Variants in ZCCHC7 observed in about 807,000 individuals in gnomAD.
The protein encoded by ZCCHC7 is zinc finger CCHC domain-containing protein 7.
ZCCHC7 carries 35 observed loss-of-function variants against 52.0 expected under a neutral mutation model. The observed-to-expected ratio is 0.67, with a 90% confidence interval of 0.51 to 0.89. ZCCHC7 has a LOEUF of 0.89. ZCCHC7 is among the 40% of genes least tolerant of loss of function. ZCCHC7 has a pLI of 0.00. For missense variants in ZCCHC7, 574 were observed against 649.1 expected (o/e 0.88, Z 1.26); for synonymous variants, 217 against 221.5 (o/e 0.98, Z 0.18).
chr9:37,164,314 G>C (rs190447302), intron 2 of ZCCHC7, among the ~76,000 whole-genome samples: 2 of 152,116 alleles, frequency 1.3e-5, no homozygotes, highest in Non-Finnish European at 2.9e-5. Flanking sequence ...GCATGATACT[G>C]TGTGCCTGTA....
intron 2 of ZCCHC7, among the ~76,000 whole-genome samples, chr9:37,163,385 CAAAAAAAAAAA>C (rs1022187626): frequency 1.3e-5 from 1 of 77,172 alleles, no homozygotes; most frequent in African/African-American, 4.4e-5. Flanking sequence ...GACTCCATCT[CAAAAAAAAAAA>C]AAAAAAAAGA....
At chr9:37,257,186 A>G (rs1438324441) in intron 2 of ZCCHC7, among the ~76,000 whole-genome samples, 1 of 152,106 alleles carries the variant, frequency 6.6e-6, no homozygotes, top group Non-Finnish European at 1.5e-5. Context: ...GGTAGAGGCT[A>G]GTTGGTGAAG....
At chr9:37,337,237 G>C (rs2118399187) in intron 6 of ZCCHC7, among the ~76,000 whole-genome samples, 1 of 152,250 alleles carries the variant, frequency 6.6e-6, no homozygotes, top group South Asian at 2.1e-4. Context: ...AACTGAAGGA[G>C]CTAAATTAAA....
intron 2 of ZCCHC7, among the ~76,000 whole-genome samples, chr9:37,164,907 A>G (rs1264833903): frequency 6.6e-6 from 1 of 152,160 alleles, no homozygotes; most frequent in African/African-American, 2.4e-5. Flanking sequence ...TTTCTTCCAG[A>G]AAGTGTGGTG....
At chr9:37,247,085 C>G (rs1039312205) in intron 2 of ZCCHC7, among the ~76,000 whole-genome samples, 7 of 152,104 alleles carry the variant, frequency 4.6e-5, no homozygotes, top group South Asian at 2.1e-4. Flanking sequence ...TCCCCAACCC[C>G]CTCTCCACCA....
intron 4 of ZCCHC7, among the ~76,000 whole-genome samples, chr9:37,304,768 TA>T (rs1829223926): frequency 1.3e-5 from 2 of 152,168 alleles, no homozygotes; most frequent in South Asian, 4.1e-4. Flanking sequence ...GGAGAAATAA[TA>T]ATAAATTTGG....
chr9:37,236,462 G>A (rs1825656403), intron 2 of ZCCHC7, among the ~76,000 whole-genome samples: 1 of 151,648 alleles, frequency 6.6e-6, no homozygotes, highest in Non-Finnish European at 1.5e-5. Flanking sequence ...CGCTGTCTCG[G>A]CTCACTGCAA....
intron 2 of ZCCHC7, among the ~76,000 whole-genome samples, chr9:37,174,161 A>C (rs1821890256): frequency 6.6e-6 from 1 of 152,022 alleles, no homozygotes; most frequent in South Asian, 2.1e-4. Context: ...AAAATACAAA[A>C]AATTAGCCAG....
chr9:37,342,636 C>G (rs1362305946), intron 6 of ZCCHC7, among the ~76,000 whole-genome samples: 2 of 152,130 alleles, frequency 1.3e-5, no homozygotes, highest in African/African-American at 4.8e-5. Context: ...AGCGTGTTGT[C>G]TGGGAAGCTA....
At chr9:37,315,653 A>G (rs1234736850) in intron 5 of ZCCHC7, among the ~76,000 whole-genome samples, 1 of 151,758 alleles carries the variant, frequency 6.6e-6, no homozygotes, top group Non-Finnish European at 1.5e-5. Flanking sequence ...CTCAATTTTT[A>G]AATTATTTCA....
chr9:37,270,596 C>T lies in ZCCHC7; in HGVS notation c.611-31592C>T, dbSNP rs985772790. Among the ~76,000 whole-genome samples the T allele has an allele frequency of 1.9e-4, 29 of 151,374 alleles. 1 individual carries two copies. Among genetic ancestry groups the T allele is most frequent in the South Asian group, 6.2e-4 (3 of 4,802 alleles). On this transcript the variant is annotated intron_variant, in intron 2 of 8. Transcript: ENST00000336755. ...ACTTGGGAGGCTGAGGCAGGAGAAT[C>T]GCTTGAACCTGGGAGGTGGAGGTTG...
At chr9:37,153,412 C>G (rs1820642049) in intron 2 of ZCCHC7, among the ~76,000 whole-genome samples, 1 of 152,030 alleles carries the variant, frequency 6.6e-6, no homozygotes, top group African/African-American at 2.4e-5. Context: ...CTCAGGTGAT[C>G]CGCCAGTCTC....
intron 2 of ZCCHC7, among the ~76,000 whole-genome samples, chr9:37,246,846 C>T (rs1826100566): frequency 6.6e-6 from 1 of 151,996 alleles, no homozygotes; most frequent in African/African-American, 2.4e-5. Flanking sequence ...CTTGGAACCT[C>T]TGGATACTGT....
intron 2 of ZCCHC7, among the ~76,000 whole-genome samples, chr9:37,156,803 A>G (rs1820837527): frequency 6.6e-6 from 1 of 152,122 alleles, no homozygotes; most frequent in Non-Finnish European, 1.5e-5. Context: ...CACTTTCTTT[A>G]GCCTCTAAGT....
intron 2 of ZCCHC7, among the ~76,000 whole-genome samples, chr9:37,262,456 A>G (rs988595034): frequency 5.9e-5 from 9 of 152,258 alleles, no homozygotes; most frequent in Non-Finnish European, 1.2e-4. Flanking sequence ...ATACTATTAT[A>G]CTTCATGTGT....
intron 2 of ZCCHC7, among the ~76,000 whole-genome samples, chr9:37,278,131 C>T (rs955546984): frequency 6.6e-6 from 1 of 151,748 alleles, no homozygotes; most frequent in Non-Finnish European, 1.5e-5. Flanking sequence ...ATAATCTTAA[C>T]TCACTGCAGC....
chr9:37,178,778 TATGTC>T (rs1376703617), intron 2 of ZCCHC7, among the ~76,000 whole-genome samples: 1 of 152,238 alleles, frequency 6.6e-6, no homozygotes, highest in East Asian at 1.9e-4. Flanking sequence ...GTTTTGTGGA[TATGTC>T]AGGTAAATTT....
At chr9:37,288,279 CAA>C (rs200690644) in intron 2 of ZCCHC7, among the ~76,000 whole-genome samples, 27 of 91,440 alleles carry the variant, frequency 3.0e-4, no homozygotes, top group Non-Finnish European at 2.0e-4. Flanking sequence ...GACCTTGTCT[CAA>C]AAAAAAAAAA....
chr9:37,207,493 CA>C (rs1198666327), intron 2 of ZCCHC7, among the ~76,000 whole-genome samples: 1 of 118,446 alleles, frequency 8.4e-6, no homozygotes, highest in African/African-American at 3.6e-5. Context: ...ATTATTTCTC[CA>C]GAGTTTTTTT....
Sources: gnomAD v4.1 joint callset for allele counts (sites outside exome capture counted in the v4.1 genomes callset) on GRCh38, gnomAD v4.1.1 for gene constraint, MANE v1.5 for transcripts, NCBI Gene and HGNC (gene_info 2026-07-23, HGNC 2026-07-21) for gene names.